Variants in RUNX2 observed in about 807,000 individuals in gnomAD.
RUNX2 encodes the protein runt-related transcription factor 2.
RUNX2 carries 10 observed loss-of-function variants against 51.7 expected under a neutral mutation model. The observed-to-expected ratio is 0.19, with a 90% CI of 0.12 to 0.33. The LOEUF (loss-of-function observed/expected upper bound fraction) is 0.33. Ranked by LOEUF, RUNX2 falls within the 10% of genes least tolerant of loss-of-function variation. RUNX2 has a pLI of 1.00. For missense variants in RUNX2, 562 were observed against 691.3 expected (o/e 0.81, Z 2.10); for synonymous variants, 276 against 273.6 (o/e 1.01, Z -0.09).
At chr6:45,364,161 A>G (rs1458958790) in intron 2 of RUNX2, among the ~76,000 whole-genome samples, 1 of 151,994 alleles carries the variant, frequency 6.6e-6, no homozygotes, top group African/African-American at 2.4e-5. Context: ...AAATATTAAT[A>G]GATATAACCC....
intron 5 of RUNX2, among the ~76,000 whole-genome samples, chr6:45,480,751 TA>T (rs1447248214): frequency 1.3e-5 from 2 of 152,178 alleles, no homozygotes; most frequent in African/African-American, 2.4e-5. Context: ...TTCATTCCTT[TA>T]AAAAAAGTAA....
chr6:45,402,885 T>C (rs1038167900), intron 2 of RUNX2, among the ~76,000 whole-genome samples: 9 of 152,012 alleles, frequency 5.9e-5, no homozygotes, highest in Non-Finnish European at 1.3e-4. Context: ...CAGCTCCCAC[T>C]CCCCTATCCC....
chr6:45,470,062 A>G (rs1799752503), intron 5 of RUNX2, among the ~76,000 whole-genome samples: 1 of 152,200 alleles, frequency 6.6e-6, no homozygotes, highest in South Asian at 2.1e-4. Flanking sequence ...TTTTCTGCCA[A>G]TCCAACTGCA....
chr6:45,448,736 C>T (rs1799073958), intron 5 of RUNX2, among the ~76,000 whole-genome samples: 1 of 152,128 alleles, frequency 6.6e-6, no homozygotes. Flanking sequence ...TTATGAGATA[C>T]AATCTGGGTA....
intron 6 of RUNX2, among the ~76,000 whole-genome samples, chr6:45,506,049 C>T (rs1267977224): frequency 6.6e-6 from 1 of 152,166 alleles, no homozygotes; most frequent in African/African-American, 2.4e-5. Context: ...TTGGTCTACT[C>T]TCACGGAGGA....
chr6:45,368,989 A>G (rs533333379), intron 2 of RUNX2, among the ~76,000 whole-genome samples: 1 of 110,042 alleles, frequency 9.1e-6, no homozygotes, highest in African/African-American at 3.0e-5. Context: ...CCAAATGGTC[A>G]ATCACTGAGA....
chr6:45,506,969 CT>C lies in RUNX2; in HGVS notation c.860-5264del, dbSNP rs747344094. The stretch of plus-strand genomic sequence containing the variant: ...CCGTGCCTGGCAACAGTTTTCTTTC[CT>C]TTTTTTTTTTTTGGAAACTTTCTGT... On this transcript the variant is annotated intron_variant, in intron 6 of 8. Coordinates refer to ENST00000647337, the MANE Select transcript of RUNX2 (RefSeq NM_001024630.4). Among the ~76,000 whole-genome samples the C allele has an allele frequency of 7.6e-3, 1,090 of 143,140 alleles. 3 individuals carry two copies. The highest frequency in any genetic ancestry group is 8.4e-3 in the Non-Finnish European group (545 of 64,854). 93.9% of individuals were successfully genotyped at this position (143,140 alleles called of 152,430 possible).
rs1011736273 is a variant in RUNX2 at position 45,544,943 on chromosome 6, G to A, written c.1022-274G>A. Among the ~76,000 whole-genome samples, 6 of 152,202 alleles carry A rather than the reference G, an allele frequency of 3.9e-5. No individual in the cohort carries two copies. In the South Asian group the frequency reaches 8.3e-4, roughly 21 times the overall value. On this transcript the variant is annotated intron_variant, in intron 7 of 8. Coordinates refer to ENST00000647337, the MANE Select transcript of RUNX2 (RefSeq NM_001024630.4). ...GAGGAATAGGTAGAGGCTAGTTGAGGATGGAAGAATTTATAAAAAGCAGAG... is the reference window on the plus strand; with the variant it reads ...GAGGAATAGGTAGAGGCTAGTTGAGAATGGAAGAATTTATAAAAAGCAGAG...
At chr6:45,378,593 A>G (rs1797123794) in intron 2 of RUNX2, among the ~76,000 whole-genome samples, 1 of 150,342 alleles carries the variant, frequency 6.7e-6, no homozygotes, top group Non-Finnish European at 1.5e-5. Flanking sequence ...TTTTTCCCCA[A>G]CTCATGTTAC....
chr6:45,332,210 T>G (rs1434834972), intron 2 of RUNX2, among the ~76,000 whole-genome samples: 3 of 151,880 alleles, frequency 2.0e-5, no homozygotes, highest in Non-Finnish European at 2.9e-5. Flanking sequence ...AACTTTTTTT[T>G]TCAACAAATA....
chr6:45,508,770 T>C (rs995817370), intron 6 of RUNX2, among the ~76,000 whole-genome samples: 10 of 152,340 alleles, frequency 6.6e-5, no homozygotes, highest in Admixed American at 2.0e-4. Context: ...ATTCTGGCAG[T>C]CAGGATGTAA....
chr6:45,384,179 T>A (rs1228457471), intron 2 of RUNX2, among the ~76,000 whole-genome samples: 2 of 152,204 alleles, frequency 1.3e-5, no homozygotes, highest in Admixed American at 1.3e-4. Flanking sequence ...AAGGTTGATA[T>A]CAGATTTAAA....
At position 45,467,505 on chromosome 6, in the gene RUNX2, C is replaced by T. The variant is rs1253367479; in HGVS notation, c.686-24436C>T. On this transcript the variant is annotated intron_variant, in intron 5 of 8. Transcript: ENST00000647337. Reference sequence around the variant, plus strand: ...CTATGTTGGCCAGGCTGGTCTCGAACTCCTGACCTCAAGTGATCCACCTGC... The same window carrying T: ...CTATGTTGGCCAGGCTGGTCTCGAATTCCTGACCTCAAGTGATCCACCTGC... Among the ~76,000 whole-genome samples the T allele has an allele frequency of 3.9e-5, 6 of 152,246 alleles. No individual in the cohort carries two copies. The East Asian group carries it at 9.7e-4, about 25-fold the overall frequency.
intron 5 of RUNX2, among the ~76,000 whole-genome samples, chr6:45,477,230 A>T (rs1934327): frequency 0.27 from 41,782 of 151,948 alleles, 6,286 homozygotes; most frequent in Non-Finnish European, 0.34. Flanking sequence ...CCACCCTAGG[A>T]GTGTTTGCTT....
chr6:45,345,397 C>T (rs1353017619), intron 2 of RUNX2, among the ~76,000 whole-genome samples: 1 of 152,086 alleles, frequency 6.6e-6, no homozygotes, highest in Non-Finnish European at 1.5e-5. Flanking sequence ...TATCTCTATT[C>T]CTTTCAGGCT....
chr6:45,337,588 C>T (rs1422074226), intron 2 of RUNX2, among the ~76,000 whole-genome samples: 1 of 151,826 alleles, frequency 6.6e-6, no homozygotes, highest in African/African-American at 2.4e-5. Flanking sequence ...AAACAACGGA[C>T]TACCTGTTCT....
intron 2 of RUNX2, among the ~76,000 whole-genome samples, chr6:45,338,061 A>G (rs1223260627): frequency 6.6e-6 from 1 of 152,080 alleles, no homozygotes; most frequent in East Asian, 1.9e-4. Flanking sequence ...TCTTTATTGA[A>G]TAAACTTAAG....
chr6:45,512,339 C>A lies in RUNX2; in HGVS notation c.953C>A (p.Thr318Asn). Residue 318 changes from threonine (T) to asparagine (N), a missense_variant, in exon 7 of 9, where the codon ACC becomes AAC. This residue lies in a region of RUNX2 where 304 missense variants were observed against 353.2 expected (regional missense o/e 0.86). Coordinates refer to ENST00000647337, the MANE Select transcript of RUNX2 (RefSeq NM_001024630.4). ...ATGACGTCCCCGTCCATCCACTCTA[C>A]CACCCCGCTGTCTTCCACACGGGGC... Reference protein sequence around the residue: ...SQMTSPSIHSTTPLSSTRGTG... With the variant: ...SQMTSPSIHSNTPLSSTRGTG... The A allele has an allele frequency of 6.2e-7, 1 of 1,614,166 alleles. No individual in the cohort carries two copies. The highest frequency in any genetic ancestry group is 8.5e-7 in the Non-Finnish European group (1 of 1,180,012).
At chr6:45,535,559 G>A (rs1300073687) in intron 7 of RUNX2, among the ~76,000 whole-genome samples, 1 of 151,632 alleles carries the variant, frequency 6.6e-6, no homozygotes, top group African/African-American at 2.4e-5. Flanking sequence ...AGCCGAGATT[G>A]CGCCACTGCA....
Sources: allele counts gnomAD v4.1 joint callset (sites outside exome capture counted in the v4.1 genomes callset), GRCh38; gene constraint gnomAD v4.1.1; regional missense constraint gnomAD v4.1.1; transcripts MANE v1.5; gene names NCBI Gene and HGNC (gene_info 2026-07-23, HGNC 2026-07-21).